The following PRKG1 variants were observed in gnomAD, a reference collection of about 807,000 sequenced individuals.
PRKG1 encodes cGMP-dependent protein kinase 1.
Under a neutral mutation model 88.1 loss-of-function variants are expected in PRKG1, and 35 were observed. The observed-to-expected ratio is 0.40, with a 90% CI of 0.30 to 0.53. The LOEUF (loss-of-function observed/expected upper bound fraction) is 0.53. PRKG1 is among the 20% of genes least tolerant of loss of function. The pLI is 0.59. For synonymous variants in PRKG1, 303 were observed against 292.5 expected, an observed-to-expected ratio of 1.04 and a Z score of -0.37; for missense variants, 540 against 839.8, an observed-to-expected ratio of 0.64 and a Z score of 4.41.
chr10:51,416,715 G>A (rs1362115918), intron 2 of PRKG1, among the ~76,000 whole-genome samples: 7 of 152,284 alleles, frequency 4.6e-5, no homozygotes, highest in Non-Finnish European at 5.9e-5. Context: ...TTTTTCCTGG[G>A]CTAAAGAGGG....
chr10:51,633,394 G>T (rs191969367), intron 3 of PRKG1, among the ~76,000 whole-genome samples: 1 of 151,978 alleles, frequency 6.6e-6, no homozygotes, highest in Non-Finnish European at 1.5e-5. Flanking sequence ...TGAAGCAAGC[G>T]AGGGAAAATA....
intron 4 of PRKG1, among the ~76,000 whole-genome samples, chr10:51,851,232 G>A (rs1021075101): frequency 6.6e-6 from 1 of 152,166 alleles, no homozygotes. Flanking sequence ...CATAAAAAAG[G>A]ACTGGAAAGA....
intron 2 of PRKG1, among the ~76,000 whole-genome samples, chr10:51,378,372 G>C (rs140100196): frequency 6.6e-6 from 1 of 152,270 alleles, no homozygotes; most frequent in East Asian, 1.9e-4. Flanking sequence ...CAGAGAGATT[G>C]ATCTTATGGT....
chr10:51,400,290 A>G (rs1343147481), intron 2 of PRKG1, among the ~76,000 whole-genome samples: 1 of 152,214 alleles, frequency 6.6e-6, no homozygotes, highest in African/African-American at 2.4e-5. Flanking sequence ...ATGTAAGAGC[A>G]ATGGAGAAAA....
At chr10:51,604,593 G>A (rs888525120) in intron 3 of PRKG1, among the ~76,000 whole-genome samples, 1 of 152,234 alleles carries the variant, frequency 6.6e-6, no homozygotes, top group Non-Finnish European at 1.5e-5. Context: ...TGTGTGAGGA[G>A]AACCTTATCC....
chr10:51,028,028 C>A (rs1359287815), intron 1 of PRKG1, among the ~76,000 whole-genome samples: 1 of 152,122 alleles, frequency 6.6e-6, no homozygotes, highest in East Asian at 1.9e-4. Context: ...AGGGCTGAGA[C>A]AATCAAAGTG....
At chr10:52,292,927 A>G (rs1055585574) in intron 17 of PRKG1, among the ~76,000 whole-genome samples, 1 of 152,102 alleles carries the variant, frequency 6.6e-6, no homozygotes, top group Non-Finnish European at 1.5e-5. Context: ...TAGGCAGGAG[A>G]AGTAAATAAA....
chr10:51,632,532 A>G (rs978656075), intron 3 of PRKG1, among the ~76,000 whole-genome samples: 5 of 152,208 alleles, frequency 3.3e-5, no homozygotes, highest in Non-Finnish European at 7.3e-5. Flanking sequence ...CTGTTCTTAC[A>G]TTAGCATCCA....
At chr10:51,558,904 G>A (rs1837384488) in intron 3 of PRKG1, among the ~76,000 whole-genome samples, 1 of 151,984 alleles carries the variant, frequency 6.6e-6, no homozygotes, top group Non-Finnish European at 1.5e-5. Context: ...TCTTATCCAA[G>A]GTTTCACTTT....
intron 4 of PRKG1, among the ~76,000 whole-genome samples, chr10:51,863,776 T>G (rs1307416323): frequency 6.6e-6 from 1 of 152,198 alleles, no homozygotes; most frequent in African/African-American, 2.4e-5. Context: ...TCCTTATAAA[T>G]TACCCAGGCT....
At chr10:51,122,300 CT>C (rs1845278043) in intron 1 of PRKG1, among the ~76,000 whole-genome samples, 1 of 152,176 alleles carries the variant, frequency 6.6e-6, no homozygotes, top group South Asian at 2.1e-4. Flanking sequence ...GCATCATGCC[CT>C]TCTCCCAAAC....
intron 5 of PRKG1, among the ~76,000 whole-genome samples, chr10:52,040,027 C>G (rs1228366533): frequency 1.3e-5 from 2 of 152,030 alleles, no homozygotes; most frequent in Non-Finnish European, 2.9e-5. Flanking sequence ...TGTGAGGAGC[C>G]CTTTTCTCCC....
chr10:51,972,878 T>G (rs1843742856), intron 5 of PRKG1, among the ~76,000 whole-genome samples: 1 of 152,156 alleles, frequency 6.6e-6, no homozygotes, highest in South Asian at 2.1e-4. Flanking sequence ...TTTTGCCACT[T>G]CATTGGAAAT....
intron 2 of PRKG1, among the ~76,000 whole-genome samples, chr10:51,179,579 T>C (rs1325733740): frequency 1.3e-5 from 2 of 152,230 alleles, no homozygotes; most frequent in Non-Finnish European, 2.9e-5. Flanking sequence ...AAGTTTTTGA[T>C]TTTATTCAGC....
intron 7 of PRKG1, among the ~76,000 whole-genome samples, chr10:52,131,816 CAAAAAAAAA>C (rs71459439): frequency 4.5e-4 from 20 of 44,082 alleles, no homozygotes; most frequent in Middle Eastern, 0.05. Flanking sequence ...GAAACTCCAT[CAAAAAAAAA>C]AAAAAAAAAA....
intron 4 of PRKG1, among the ~76,000 whole-genome samples, chr10:51,895,833 GA>G (rs57952731): frequency 0.023 from 3,515 of 151,918 alleles, 138 homozygotes; most frequent in African/African-American, 0.081. Context: ...GGACCTTGGA[GA>G]AATTTCCCCA....
intron 9 of PRKG1, among the ~76,000 whole-genome samples, chr10:52,218,830 T>C (rs182177644): frequency 3.0e-3 from 456 of 152,244 alleles, no homozygotes; most frequent in Non-Finnish European, 4.4e-3. Flanking sequence ...AATTAGTGTT[T>C]ATGAGTCTTA....
chr10:52,071,446 G>T (rs960403880), intron 7 of PRKG1, among the ~76,000 whole-genome samples: 1 of 152,120 alleles, frequency 6.6e-6, no homozygotes, highest in Admixed American at 6.5e-5. Context: ...GCCTCCAGCT[G>T]CATCCTATGT....
At chr10:51,895,751 G>C (rs983840426) in intron 4 of PRKG1, among the ~76,000 whole-genome samples, 1 of 152,056 alleles carries the variant, frequency 6.6e-6, no homozygotes, top group African/African-American at 2.4e-5. Flanking sequence ...AAGATAAGGT[G>C]CTTCTTATGT....
Sources: allele counts gnomAD v4.1 joint callset (sites outside exome capture counted in the v4.1 genomes callset), GRCh38; gene constraint gnomAD v4.1.1; transcripts MANE v1.5; gene names NCBI Gene and HGNC (gene_info 2026-07-23, HGNC 2026-07-21).